The following UBXN7 variants were observed in gnomAD, a reference collection of about 807,000 sequenced individuals.
UBXN7 encodes the protein UBX domain protein 7, also known as UBX domain-containing protein 7.
In UBXN7, 9 loss-of-function variants were observed where a neutral mutation model predicts 58.0. The observed-to-expected ratio is 0.16, with a 90% CI of 0.09 to 0.27. UBXN7 has a LOEUF of 0.27. Ranked by LOEUF, UBXN7 falls within the 10% of genes least tolerant of loss-of-function variation. The pLI, the probability that UBXN7 is intolerant of heterozygous loss-of-function variation, is 1.00. For missense variants in UBXN7, 328 were observed against 599.6 expected (o/e 0.55, Z 4.73); for synonymous variants, 208 against 205.0 (o/e 1.01, Z -0.12).
chr3:196,368,098 G>A lies in UBXN7; in HGVS notation c.764C>T (p.Thr255Met), dbSNP rs536086543. The change falls in exon 8 of 11, where the codon ACG (threonine) becomes ATG (methionine). Residue 255 changes from threonine (T) to methionine (M), a missense_variant. Around this residue, in one of 4 missense-constraint regions of UBXN7, gnomAD observed 126 missense variants for 302.6 expected, o/e 0.42. Coordinates refer to ENST00000296328, the MANE Select transcript of UBXN7 (RefSeq NM_015562.2). The part of the protein sequence containing the change: ...LDVSSFLDQV[T>M]GFLGEHGQLD... The stretch of plus-strand genomic sequence containing the variant: ...TTGTCCATGTTCACCCAGAAATCCC[G>A]TCACTTGGTCCAAGAAAGAAGATAC... 1.6e-5 allele frequency: 26 copies of A among 1,613,990 alleles called. No homozygotes were observed. In the Middle Eastern group the frequency reaches 2.3e-3, roughly 143 times the overall value.
At chr3:196,426,572 G>C (rs1445370572) in intron 1 of UBXN7, among the ~76,000 whole-genome samples, 1 of 152,034 alleles carries the variant, frequency 6.6e-6, no homozygotes, top group Non-Finnish European at 1.5e-5. Flanking sequence ...AATGAGGCCA[G>C]GCGCGGTGGT....
chr3:196,422,965 A>C (rs1211441768), intron 1 of UBXN7, among the ~76,000 whole-genome samples: 1 of 152,222 alleles, frequency 6.6e-6, no homozygotes, highest in Non-Finnish European at 1.5e-5. Flanking sequence ...TGAATCTCAA[A>C]CACAATAGTT....
chr3:196,417,393 G>A (rs967650999), intron 1 of UBXN7, among the ~76,000 whole-genome samples: 2 of 152,074 alleles, frequency 1.3e-5, no homozygotes, highest in African/African-American at 2.4e-5. Context: ...CAGTAACAAA[G>A]AGAAAATATT....
chr3:196,383,910 A>C (rs1729292587), intron 5 of UBXN7, among the ~76,000 whole-genome samples: 1 of 152,230 alleles, frequency 6.6e-6, no homozygotes, highest in South Asian at 2.1e-4. Context: ...AAGAGCAAAC[A>C]CATTCAAAAG....
At chr3:196,386,788 AAAGT>A (rs1729417370) in intron 5 of UBXN7, among the ~76,000 whole-genome samples, 1 of 152,196 alleles carries the variant, frequency 6.6e-6, no homozygotes, top group Non-Finnish European at 1.5e-5. Flanking sequence ...CATATTGCCC[AAAGT>A]AATTTCTAGA....
rs1265025185 is a variant in UBXN7 at position 196,396,956 on chromosome 3, T to A, written c.290-3337A>T. 2.0e-5 allele frequency among the ~76,000 whole-genome samples: 3 copies of A among 152,168 alleles called. No individual in the cohort carries two copies. The East Asian group carries it at 5.8e-4, about 29-fold the overall frequency. The stretch of plus-strand genomic sequence containing the variant: ...CTATAAGGGACTGATCTCCGTATAC[T>A]CACTAGTTCCTCTTATTGCTATCCT... On this transcript the variant is annotated intron_variant, in intron 3 of 10. Transcript: ENST00000296328.
chr3:196,372,264 T>C (rs984157460), intron 5 of UBXN7, among the ~76,000 whole-genome samples: 1 of 151,484 alleles, frequency 6.6e-6, no homozygotes, highest in Non-Finnish European at 1.5e-5. Context: ...AATGAACTCA[T>C]TTCTCTTTTA....
Position 196,356,657 on chromosome 3 carries a change from G to GT in UBXN7, c.*27dup. ...TCTCACAGGAAAAGGGAAAAAAGGG[G>GT]TAAGCTGAGAGAGGTCAAGCCATGG... On this transcript the variant is annotated 3_prime_UTR_variant, in exon 11 of 11. Transcript: ENST00000296328. 1 of 1,565,476 alleles carries GT rather than the reference G, an allele frequency of 6.4e-7. No individual in the cohort carries two copies. Among genetic ancestry groups the GT allele is most frequent in the Non-Finnish European group, 8.6e-7 (1 of 1,163,094 alleles).
intron 1 of UBXN7, chr3:196,416,089 C>T (rs986379774): frequency 6.6e-6 from 1 of 152,184 alleles, no homozygotes; most frequent in Non-Finnish European, 1.5e-5. Context: ...CTCACTTCTG[C>T]CATAACAGCA....
chr3:196,420,414 C>T (rs1403217321), intron 1 of UBXN7, among the ~76,000 whole-genome samples: 9 of 151,754 alleles, frequency 5.9e-5, no homozygotes, highest in Non-Finnish European at 5.9e-5. Flanking sequence ...GCCTGTAACC[C>T]CAGCTACTGA....
rs1422757854 is a variant in UBXN7, at chr3:196,350,380, G to A, written c.*6305C>T. On this transcript the variant is annotated 3_prime_UTR_variant, in exon 11 of 11. Transcript: ENST00000296328. ...AAACCAGAGAATTCTCCTTAACTAG[G>A]GAGAAAATGAGCTATAAAAGTAAGT... is the stretch of plus-strand genomic sequence containing the variant. The A allele has an allele frequency of 6.6e-6, 1 of 151,882 alleles. No homozygotes were observed. The highest frequency in any genetic ancestry group is 6.6e-5 in the Admixed American group (1 of 15,244). 9.4% of individuals were successfully genotyped at this position (151,882 alleles called of 1,614,324 possible).
intron 5 of UBXN7, among the ~76,000 whole-genome samples, chr3:196,386,380 T>TAAAAAAAAAAAAAAAAAAAAAAAAACA (rs34268326): frequency 1.7e-5 from 1 of 57,728 alleles, no homozygotes; most frequent in African/African-American, 7.0e-5. Context: ...TAATAAACAC[T>TAAAAAAAAAAAAAAAAAAAAAAAAACA]AAAAAAAAAA....
intron 6 of UBXN7, 53 bp downstream of exon 6, chr3:196,371,843 C>T: frequency 6.3e-7 from 1 of 1,578,888 alleles, no homozygotes; most frequent in African/African-American, 1.4e-5. Flanking sequence ...CCTCAACAAC[C>T]CACACTACAA....
At position 196,362,589 on chromosome 3, in the gene UBXN7, A is replaced by C; in HGVS notation, c.933T>G (p.Asp311Glu). 1 of 1,614,196 alleles carries C rather than the reference A, an allele frequency of 6.2e-7. No homozygotes were observed. Among genetic ancestry groups the C allele is most frequent in the Non-Finnish European group, 8.5e-7 (1 of 1,180,040 alleles). Residue 311 changes from aspartate (D) to glutamate (E), a missense_variant, in exon 9 of 11, where the codon GAT (aspartate) becomes GAG (glutamate). Transcript: ENST00000296328. ...THFDSTQTKQDSRSDEESESE... is the reference protein window; with the variant it reads ...THFDSTQTKQESRSDEESESE... ...ATTCAGATTCTTCATCTGAGCGGCT[A>C]TCCTGTTTTGTCTGTGTTGAATCAA...
chr3:196,351,433 C>T lies in UBXN7; in HGVS notation c.*5252G>A, dbSNP rs1329586173. 6.6e-6 allele frequency: 1 copy of T among 151,588 alleles called. No homozygotes were observed. The highest frequency in any genetic ancestry group is 1.5e-5 in the Non-Finnish European group (1 of 67,982). 9.4% of individuals were successfully genotyped at this position (151,588 alleles called of 1,614,324 possible). ...TCTCCTCTTTGGAGATTTCAGTCAT[C>T]GCAGTAAGATTAAGAGCAAGTTGTT... On this transcript the variant is annotated 3_prime_UTR_variant, in exon 11 of 11. Transcript: ENST00000296328.
In UBXN7 at chr3:196,368,037, A is replaced by C; in HGVS notation, c.825T>G (p.Cys275Trp). The change falls in exon 8 of 11, where the codon TGT becomes TGG. Residue 275 changes from cysteine to tryptophan, a missense_variant. Cys to Trp is a radical substitution (Grantham distance 215). Coordinates refer to ENST00000296328, the MANE Select transcript of UBXN7 (RefSeq NM_015562.2). ...DGLSSSPPKK[C>W]ARSESLIDAS... ...TCCTAATTATACTTACTGAACGGGC[A>C]CATTTTTTGGGGGGACTGCTAGAAA... 6.2e-7 allele frequency: 1 copy of C among 1,613,216 alleles called. No individual in the cohort carries two copies. The highest frequency in any genetic ancestry group is 8.5e-7 in the Non-Finnish European group (1 of 1,179,696).
In UBXN7 at chr3:196,348,547, G is replaced by A. The variant is rs1728137268; in HGVS notation, c.*8138C>T. ...CCCACACACACTTTGTCCAGAATAA[G>A]TTGAGCCACAAACATCCCAGGGAAT... On this transcript the variant is annotated 3_prime_UTR_variant, in exon 11 of 11. Coordinates refer to ENST00000296328, the MANE Select transcript of UBXN7 (RefSeq NM_015562.2). 1 of 152,134 alleles carries A rather than the reference G, an allele frequency of 6.6e-6. No homozygotes were observed. Among genetic ancestry groups the A allele is most frequent in the East Asian group, 1.9e-4 (1 of 5,208 alleles). 9.4% of individuals were successfully genotyped at this position (152,134 alleles called of 1,614,324 possible).
chr3:196,426,802 C>G (rs530378495), intron 1 of UBXN7, among the ~76,000 whole-genome samples: 3 of 151,032 alleles, frequency 2.0e-5, no homozygotes, highest in Admixed American at 6.6e-5. Flanking sequence ...GAGCCAAGAT[C>G]GTACCTTTGC....
intron 1 of UBXN7, among the ~76,000 whole-genome samples, chr3:196,415,132 T>C (rs1207013843): frequency 2.0e-5 from 3 of 151,846 alleles, no homozygotes; most frequent in African/African-American, 4.8e-5. Context: ...TCCAGTTACA[T>C]TGTGTTGTAT....
Sources: gnomAD v4.1 joint callset for allele counts (sites outside exome capture counted in the v4.1 genomes callset) on GRCh38, gnomAD v4.1.1 for gene constraint, gnomAD v4.1.1 regional missense constraint, MANE v1.5 for transcripts, NCBI Gene and HGNC (gene_info 2026-07-23, HGNC 2026-07-21) for gene names.